Variants in FLT1 observed in about 807,000 individuals in gnomAD.
FLT1 encodes vascular endothelial growth factor receptor 1.
In FLT1, 49 loss-of-function variants were observed where a neutral mutation model predicts 156.3. The observed-to-expected ratio is 0.31, with a 90% confidence interval of 0.25 to 0.40. The LOEUF (loss-of-function observed/expected upper bound fraction) is 0.40, where lower values mean the gene tolerates loss of function less well. Among genes scored for constraint, FLT1 ranks in the 10% least tolerant of loss-of-function variants. The pLI is 1.00. For synonymous variants in FLT1, 594 were observed against 583.8 expected (o/e 1.02, Z -0.25); for missense variants, 1,322 against 1,637.2 (o/e 0.81, Z 3.32).
intron 3 of FLT1, among the ~76,000 whole-genome samples, chr13:28,451,065 C>T (rs1878905544): frequency 6.6e-6 from 1 of 152,152 alleles, no homozygotes; most frequent in Non-Finnish European, 1.5e-5. Context: ...GTCATTGGAC[C>T]CTCTGCTTAG....
intron 13 of FLT1, chr13:28,387,908 A>G (rs1874465567): frequency 2.8e-6 from 3 of 1,061,196 alleles, no homozygotes; most frequent in Non-Finnish European, 3.4e-6. Context: ...TCTTAAAATC[A>G]TCTTTTGTAA....
chr13:28,490,871 G>A (rs1007225164), intron 1 of FLT1, among the ~76,000 whole-genome samples: 5 of 152,194 alleles, frequency 3.3e-5, no homozygotes, highest in Admixed American at 1.3e-4. Flanking sequence ...CTAACTGTGA[G>A]ATCCAAACCA....
At chr13:28,471,848 A>G (rs1027132567) in intron 1 of FLT1, among the ~76,000 whole-genome samples, 2 of 152,232 alleles carry the variant, frequency 1.3e-5, no homozygotes, top group Non-Finnish European at 2.9e-5. Context: ...CAATATAATC[A>G]TAAGAGGCAT....
intron 10 of FLT1, among the ~76,000 whole-genome samples, chr13:28,415,305 C>A (rs916395223): frequency 6.6e-6 from 1 of 152,052 alleles, no homozygotes; most frequent in East Asian, 1.9e-4. Flanking sequence ...CATGGAGAAA[C>A]CCTGTCTCTA....
chr13:28,373,261 T>C (rs909696255), intron 14 of FLT1, among the ~76,000 whole-genome samples: 2 of 152,244 alleles, frequency 1.3e-5, no homozygotes, highest in Admixed American at 6.5e-5. Context: ...GACTGAGTTG[T>C]ATGAGATGGC....
intron 10 of FLT1, among the ~76,000 whole-genome samples, chr13:28,418,498 G>A (rs554874366): frequency 1.3e-5 from 2 of 152,298 alleles, no homozygotes; most frequent in African/African-American, 2.4e-5. Context: ...AATCCACAGG[G>A]ATGTCCTCTG....
intron 13 of FLT1, chr13:28,389,508 C>A: frequency 1.4e-6 from 2 of 1,416,836 alleles, no homozygotes; most frequent in Non-Finnish European, 1.8e-6. Context: ...TCCAAACGTG[C>A]ACCAAGTCGG....
chr13:28,364,764 A>G (rs1401231967), intron 14 of FLT1, among the ~76,000 whole-genome samples: 2 of 152,072 alleles, frequency 1.3e-5, no homozygotes, highest in East Asian at 1.9e-4. Context: ...GTATTTGTGT[A>G]TTTGTGGTTC....
chr13:28,355,023 A>G (rs187687774), intron 15 of FLT1, among the ~76,000 whole-genome samples: 124 of 152,352 alleles, frequency 8.1e-4, no homozygotes, highest in African/African-American at 2.8e-3. Flanking sequence ...GTCTAGAGGC[A>G]TGTAAACATG....
At chr13:28,412,329 C>CTTTCTTTCTTTTCTTTCT (rs775271915) in intron 10 of FLT1, among the ~76,000 whole-genome samples, 1 of 88,960 alleles carries the variant, frequency 1.1e-5, no homozygotes, top group African/African-American at 4.1e-5. Context: ...TTCTTTCTTT[C>CTTTCTTTCTTTTCTTTCT]TTTTCTTTCT....
chr13:28,399,045 C>T, intron 11 of FLT1: 1 of 1,547,758 alleles, frequency 6.5e-7, no homozygotes, highest in Non-Finnish European at 8.7e-7. Flanking sequence ...CGTTTAGAGT[C>T]ACGGAAGGAA....
chr13:28,424,770 C>G (rs2137534294), intron 10 of FLT1, among the ~76,000 whole-genome samples: 1 of 152,130 alleles, frequency 6.6e-6, no homozygotes, highest in South Asian at 2.1e-4. Context: ...TATTAGTCAC[C>G]CAATCTCTTT....
intron 11 of FLT1, among the ~76,000 whole-genome samples, chr13:28,403,659 A>G (rs1408277347): frequency 6.6e-6 from 1 of 152,272 alleles, no homozygotes; most frequent in African/African-American, 2.4e-5. Flanking sequence ...GAATTGACAC[A>G]ACCAATGAAT....
rs528967875 is a variant in FLT1 at position 28,343,649 on chromosome 13, T to C, written c.2355+1796A>G. 1.8e-3 allele frequency among the ~76,000 whole-genome samples: 275 copies of C among 151,476 alleles called. 2 individuals are homozygous for C. Among genetic ancestry groups the C allele is most frequent in the African/African-American group, 6.2e-3 (258 of 41,306 alleles). On this transcript the variant is annotated intron_variant, in intron 16 of 29. Coordinates refer to ENST00000282397, the MANE Select transcript of FLT1 (RefSeq NM_002019.4). ...TCTTCTTTTCTTTTTTTCTTTCTTT[T>C]TTTTTTTTTCTGAGACAGAGTCTCG...
intron 12 of FLT1, among the ~76,000 whole-genome samples, chr13:28,395,556 G>A (rs1438943920): frequency 6.6e-6 from 1 of 152,138 alleles, no homozygotes; most frequent in Non-Finnish European, 1.5e-5. Context: ...AATCACAATA[G>A]TTTGGATATA....
intron 8 of FLT1, 138 bp from the exon 9 acceptor site, chr13:28,428,059 G>A: frequency 2.8e-6 from 2 of 725,534 alleles, no homozygotes; most frequent in Non-Finnish European, 4.8e-6. Flanking sequence ...TTAAAATGTA[G>A]GCATTAACTT....
At chr13:28,367,134 C>T (rs1229401027) in intron 14 of FLT1, among the ~76,000 whole-genome samples, 3 of 152,156 alleles carry the variant, frequency 2.0e-5, no homozygotes, top group African/African-American at 7.2e-5. Flanking sequence ...GACTGATGAC[C>T]TGCAGCATGC....
chr13:28,453,966 C>T (rs904795280), intron 3 of FLT1, among the ~76,000 whole-genome samples: 3 of 151,758 alleles, frequency 2.0e-5, no homozygotes, highest in Non-Finnish European at 4.4e-5. Context: ...AGGGTGCTTC[C>T]CAGAGGGGGG....
intron 13 of FLT1, chr13:28,386,626 GCTAT>G (rs1198163139): frequency 9.5e-7 from 1 of 1,056,002 alleles, no homozygotes; most frequent in African/African-American, 1.7e-5. Context: ...TGCATTGGAT[GCTAT>G]CTGCCAAACA....
Sources: gnomAD v4.1 joint callset for allele counts (sites outside exome capture counted in the v4.1 genomes callset) on GRCh38, gnomAD v4.1.1 for gene constraint, MANE v1.5 for transcripts, NCBI Gene and HGNC (gene_info 2026-07-23, HGNC 2026-07-21) for gene names.